The following BRINP3 variants were observed in gnomAD, a reference collection of about 807,000 sequenced individuals.
BRINP3 encodes the protein BMP/retinoic acid inducible neural specific 3, also known as BMP/retinoic acid-inducible neural-specific protein 3.
In BRINP3, 19 loss-of-function variants were observed where a neutral mutation model predicts 71.0. The observed-to-expected ratio is 0.27, with a 90% CI of 0.19 to 0.39. BRINP3 has a LOEUF of 0.39. Ranked by LOEUF, BRINP3 falls within the 10% of genes least tolerant of loss-of-function variation. The probability of loss-of-function intolerance (pLI) is 1.00; values close to 1 mark genes in which losing one functional copy is unlikely to be tolerated. For synonymous variants in BRINP3, 380 were observed against 337.7 expected (o/e 1.13, Z -1.37); for missense variants, 959 against 940.8 (o/e 1.02, Z -0.25).
intron 2 of BRINP3, among the ~76,000 whole-genome samples, chr1:190,381,536 T>C (rs1197198033): frequency 6.6e-6 from 1 of 152,194 alleles, no homozygotes; most frequent in African/African-American, 2.4e-5. Flanking sequence ...GAAATTAATA[T>C]GTCTAACTTT....
chr1:190,344,371 T>C (rs1012689100), intron 2 of BRINP3, among the ~76,000 whole-genome samples: 13 of 151,826 alleles, frequency 8.6e-5, no homozygotes, highest in Non-Finnish European at 1.6e-4. Flanking sequence ...TAAACTTGAT[T>C]ATTGCCTAGG....
chr1:190,169,816 T>A (rs1651859231), intron 6 of BRINP3, among the ~76,000 whole-genome samples: 1 of 152,178 alleles, frequency 6.6e-6, no homozygotes, highest in Non-Finnish European at 1.5e-5. Flanking sequence ...TTAGTTATTA[T>A]TTTTCTTTTA....
intron 2 of BRINP3, among the ~76,000 whole-genome samples, chr1:190,387,518 A>G (rs180818076): frequency 1.1e-3 from 169 of 152,076 alleles, no homozygotes; most frequent in African/African-American, 3.1e-3. Context: ...AATGAAAACT[A>G]GAGACCATTA....
chr1:190,255,136 G>A (rs554218047), intron 4 of BRINP3, among the ~76,000 whole-genome samples: 1 of 151,918 alleles, frequency 6.6e-6, no homozygotes, highest in Admixed American at 6.6e-5. Flanking sequence ...CTTGATTATA[G>A]TGGATAAGCT....
intron 2 of BRINP3, among the ~76,000 whole-genome samples, chr1:190,307,271 T>TTG (rs1665181010): frequency 8.0e-6 from 1 of 125,588 alleles, no homozygotes; most frequent in African/African-American, 3.0e-5. Flanking sequence ...TTTTTTTTTT[T>TTG]TTTTTTTTTT....
chr1:190,328,317 A>G (rs1038542461), intron 2 of BRINP3, among the ~76,000 whole-genome samples: 1 of 152,146 alleles, frequency 6.6e-6, no homozygotes, highest in South Asian at 2.1e-4. Context: ...AAGCTAGATT[A>G]GCAAAGAAAA....
chr1:190,148,137 T>C (rs1656054347), intron 7 of BRINP3, among the ~76,000 whole-genome samples: 1 of 152,174 alleles, frequency 6.6e-6, no homozygotes, highest in African/African-American at 2.4e-5. Flanking sequence ...CTATTTTATA[T>C]ATTTTGCTTG....
At chr1:190,354,966 C>T (rs1460540639) in intron 2 of BRINP3, among the ~76,000 whole-genome samples, 1 of 151,668 alleles carries the variant, frequency 6.6e-6, no homozygotes, top group Non-Finnish European at 1.5e-5. Flanking sequence ...TGGATATCTG[C>T]TTATTTCTGC....
chr1:190,217,147 G>C (rs1656484893), intron 6 of BRINP3: 1 of 151,916 alleles, frequency 6.6e-6, no homozygotes, highest in Admixed American at 6.6e-5. Context: ...AACATGTAAA[G>C]AGTGCACTTG....
chr1:190,128,817 A>T, intron 7 of BRINP3, among the ~76,000 whole-genome samples: 1 of 151,816 alleles, frequency 6.6e-6, no homozygotes, highest in East Asian at 1.9e-4. Context: ...TATTGGATGT[A>T]ACATATCTTA....
At chr1:190,218,748 T>C (rs1656623975) in intron 6 of BRINP3, among the ~76,000 whole-genome samples, 1 of 152,040 alleles carries the variant, frequency 6.6e-6, no homozygotes, top group African/African-American at 2.4e-5. Flanking sequence ...ACCCTCCTTG[T>C]CCCCTCTATT....
intron 2 of BRINP3, among the ~76,000 whole-genome samples, chr1:190,334,738 T>A (rs181775200): frequency 2.2e-4 from 33 of 151,904 alleles, no homozygotes; most frequent in Middle Eastern, 3.4e-3. Context: ...CTGGGAAGTA[T>A]AAAATAAAGT....
chr1:190,366,006 C>T (rs1669476398), intron 2 of BRINP3, among the ~76,000 whole-genome samples: 1 of 151,812 alleles, frequency 6.6e-6, no homozygotes, highest in African/African-American at 2.4e-5. Context: ...CATAAAGAAT[C>T]ATGGCCACTG....
chr1:190,445,397 A>G (rs1032492895), intron 2 of BRINP3, among the ~76,000 whole-genome samples: 14 of 152,332 alleles, frequency 9.2e-5, no homozygotes, highest in African/African-American at 3.4e-4. Context: ...CTCGATTAAA[A>G]AATATTGTCA....
intron 6 of BRINP3, among the ~76,000 whole-genome samples, chr1:190,165,620 T>C (rs1410696478): frequency 6.6e-6 from 1 of 151,668 alleles, no homozygotes; most frequent in African/African-American, 2.4e-5. Context: ...CTAATAAAGC[T>C]ATTTCTTGTT....
At chr1:190,133,576 ATATT>A (rs2102360688) in intron 7 of BRINP3, among the ~76,000 whole-genome samples, 1 of 152,230 alleles carries the variant, frequency 6.6e-6, no homozygotes, top group South Asian at 2.1e-4. Context: ...AAAAATATAT[ATATT>A]CTACAGCAAT....
intron 6 of BRINP3, among the ~76,000 whole-genome samples, chr1:190,223,210 T>G (rs1358766149): frequency 6.6e-6 from 1 of 151,712 alleles, no homozygotes; most frequent in African/African-American, 2.4e-5. Context: ...GACAAAAACA[T>G]GACAAGAAAC....
intron 2 of BRINP3, among the ~76,000 whole-genome samples, chr1:190,373,147 T>C (rs1037852902): frequency 1.3e-5 from 2 of 152,108 alleles, no homozygotes; most frequent in Non-Finnish European, 2.9e-5. Context: ...AATAGATATT[T>C]GGGAGGCCAT....
chr1:190,444,918 C>G (rs536507466), intron 2 of BRINP3, among the ~76,000 whole-genome samples: 314 of 152,180 alleles, frequency 2.1e-3, no homozygotes, highest in Middle Eastern at 0.01. Flanking sequence ...AAGATACGTA[C>G]GTCCTTTGTG....
Sources: allele counts gnomAD v4.1 joint callset (sites outside exome capture counted in the v4.1 genomes callset), GRCh38; gene constraint gnomAD v4.1.1; transcripts MANE v1.5; gene names NCBI Gene and HGNC (gene_info 2026-07-23, HGNC 2026-07-21).